OSTN: variants seen among roughly 807,000 people sequenced by gnomAD.
The protein encoded by OSTN is osteocrin.
Under a neutral mutation model 12.0 loss-of-function variants are expected in OSTN, and 9 were observed. The observed-to-expected ratio is 0.75, with a 90% CI of 0.45 to 1.30. OSTN has a LOEUF of 1.30. OSTN is among the 50% of genes most tolerant of loss of function. The pLI is 0.00. For synonymous variants in OSTN, 59 were observed against 56.9 expected, an observed-to-expected ratio of 1.04 and a Z score of -0.16; for missense variants, 148 against 152.3, an observed-to-expected ratio of 0.97 and a Z score of 0.15.
At chr3:191,255,808 G>A (rs1298119539) in intron 4 of OSTN, among the ~76,000 whole-genome samples, 1 of 151,640 alleles carries the variant, frequency 6.6e-6, no homozygotes, top group Non-Finnish European at 1.5e-5. Context: ...GTTACTTTTA[G>A]CCAATGTAAT....
chr3:191,226,148 A>G (rs1378415973), intron 3 of OSTN, among the ~76,000 whole-genome samples: 1 of 152,184 alleles, frequency 6.6e-6, no homozygotes, highest in Admixed American at 6.5e-5. Context: ...ATAAAATGTT[A>G]GCAAATAGAA....
In OSTN at chr3:191,263,644, G is replaced by T. The variant is rs1715858893; in HGVS notation, c.*791G>T. 6.6e-6 allele frequency: 1 copy of T among 152,100 alleles called. No homozygotes were observed. Among genetic ancestry groups the T allele is most frequent in the African/African-American group, 2.4e-5 (1 of 41,442 alleles). 9.4% of individuals were successfully genotyped at this position (152,100 alleles called of 1,614,324 possible). ...GACCAGCTAAGCACACATCATTTTA[G>T]CTCAGTACACTTCAGCATAGTACAA... is the stretch of plus-strand genomic sequence containing the variant. On this transcript the variant is annotated 3_prime_UTR_variant, in exon 5 of 5. Transcript: ENST00000682035.
At position 191,264,481 on chromosome 3, in the gene OSTN, T is replaced by A. The variant is rs901279702; in HGVS notation, c.*1628T>A. On this transcript the variant is annotated 3_prime_UTR_variant, in exon 5 of 5. Transcript: ENST00000682035. The stretch of plus-strand genomic sequence containing the variant: ...TAATTTAGGAAAAATAGTAAATAAT[T>A]TTTTTTCATTGTAGTAGAGGGCTGT... 2.0e-5 allele frequency: 3 copies of A among 152,244 alleles called. No homozygotes were observed. The highest frequency in any genetic ancestry group is 7.2e-5 in the African/African-American group (3 of 41,574). The allele number at this position is 152,244 out of a possible 1,614,324, so 9.4% of individuals were successfully genotyped here. A position where few individuals can be genotyped will look rare whatever the true frequency, so the allele number is the denominator to read the frequency against.
At chr3:191,260,264 G>C (rs1258851110) in intron 4 of OSTN, among the ~76,000 whole-genome samples, 1 of 151,164 alleles carries the variant, frequency 6.6e-6, no homozygotes, top group African/African-American at 2.4e-5. Flanking sequence ...TCTGGCCACC[G>C]ACAATTAGGG....
At chr3:191,232,283 A>C (rs758039288) in intron 3 of OSTN, among the ~76,000 whole-genome samples, 7 of 147,184 alleles carry the variant, frequency 4.8e-5, no homozygotes, top group Non-Finnish European at 8.9e-5. Flanking sequence ...CAGTGAGCCA[A>C]GATTGTGCCA....
chr3:191,262,410 T>C (rs35772211), intron 4 of OSTN, among the ~76,000 whole-genome samples: 4,079 of 152,310 alleles, frequency 0.027, 257 homozygotes, highest in East Asian at 0.25. Flanking sequence ...AGAAATCTTG[T>C]TTAAATGGCA....
intron 3 of OSTN, among the ~76,000 whole-genome samples, chr3:191,235,262 A>T (rs544632526): frequency 1.3e-5 from 2 of 152,258 alleles, no homozygotes; most frequent in South Asian, 4.1e-4. Context: ...ATATAACAGT[A>T]ATTCAAATAA....
intron 3 of OSTN, among the ~76,000 whole-genome samples, chr3:191,224,394 A>AG (rs1193952778): frequency 1.3e-5 from 2 of 151,662 alleles, no homozygotes; most frequent in Non-Finnish European, 2.9e-5. Flanking sequence ...AAAAAAAAAA[A>AG]GAAACATATT....
At chr3:191,212,489 A>T (rs769272247) in intron 1 of OSTN, 44 bp from the exon 2 acceptor site, 10 of 1,346,790 alleles carry the variant, frequency 7.4e-6, no homozygotes, top group Admixed American at 2.0e-5. Flanking sequence ...TTGTCTTTAC[A>T]TTCCAAACGA....
chr3:191,201,441 G>A (rs989392232), intron 1 of OSTN, among the ~76,000 whole-genome samples: 5 of 151,994 alleles, frequency 3.3e-5, no homozygotes, highest in African/African-American at 1.2e-4. Flanking sequence ...GGGTACCTAA[G>A]GCTATAAATA....
At chr3:191,252,647 T>G (rs1480365914) in intron 4 of OSTN, among the ~76,000 whole-genome samples, 1 of 152,218 alleles carries the variant, frequency 6.6e-6, no homozygotes, top group Non-Finnish European at 1.5e-5. Context: ...TGTTCGACCG[T>G]TTTGTTTCTA....
intron 1 of OSTN, among the ~76,000 whole-genome samples, chr3:191,205,771 G>A (rs1450282345): frequency 1.3e-5 from 2 of 152,034 alleles, no homozygotes; most frequent in African/African-American, 4.8e-5. Flanking sequence ...TTAAAAGAGA[G>A]GATATAACTG....
chr3:191,226,821 G>T (rs769393010), intron 3 of OSTN, among the ~76,000 whole-genome samples: 1 of 152,082 alleles, frequency 6.6e-6, no homozygotes, highest in Non-Finnish European at 1.5e-5. Context: ...TGAGTAAAAA[G>T]ATTCAATTAA....
At chr3:191,227,393 C>A (rs1160421397) in intron 3 of OSTN, among the ~76,000 whole-genome samples, 1 of 152,064 alleles carries the variant, frequency 6.6e-6, no homozygotes, top group Non-Finnish European at 1.5e-5. Flanking sequence ...GATTGGAGTG[C>A]AAAATGGAAC....
chr3:191,232,235 G>A (rs1215408443), intron 3 of OSTN, among the ~76,000 whole-genome samples: 1 of 149,778 alleles, frequency 6.7e-6, no homozygotes, highest in East Asian at 2.0e-4. Context: ...GGAGGCTGAG[G>A]CATGAGAATC....
At chr3:191,210,399 C>CA (rs895306772) in intron 1 of OSTN, among the ~76,000 whole-genome samples, 10 of 151,648 alleles carry the variant, frequency 6.6e-5, no homozygotes, top group Non-Finnish European at 1.5e-4. Context: ...AAGAAAATGT[C>CA]AAAAAAAATC....
At chr3:191,210,130 T>C (rs1308171331) in intron 1 of OSTN, among the ~76,000 whole-genome samples, 2 of 152,210 alleles carry the variant, frequency 1.3e-5, no homozygotes, top group Non-Finnish European at 2.9e-5. Flanking sequence ...CAGGCACGTC[T>C]TCACATGGCC....
In OSTN at chr3:191,262,695, ATTG is replaced by A. The variant is rs1182960021; in HGVS notation, c.*13-168_*13-166del. On this transcript the variant is annotated intron_variant, in intron 4 of 4. Coordinates refer to ENST00000682035, the MANE Select transcript of OSTN (RefSeq NM_198184.2). ...TCTTTTTAATGTATTTTGAACTGAA[ATTG>A]TTATTTTGCATTATTGTCTTCAAAA... Among the ~76,000 whole-genome samples, 12 of 152,350 alleles carry A rather than the reference ATTG, an allele frequency of 7.9e-5. No individual in the cohort carries two copies. The South Asian group carries it at 8.3e-4, about 11-fold the overall frequency.
At chr3:191,254,246 C>T (rs1409717135) in intron 4 of OSTN, among the ~76,000 whole-genome samples, 1 of 152,228 alleles carries the variant, frequency 6.6e-6, no homozygotes, top group African/African-American at 2.4e-5. Context: ...CTGTCTAGAG[C>T]AGTCTATAGA....
Sources: gnomAD v4.1 joint callset for allele counts (sites outside exome capture counted in the v4.1 genomes callset) on GRCh38, gnomAD v4.1.1 for gene constraint, MANE v1.5 for transcripts, NCBI Gene and HGNC (gene_info 2026-07-23, HGNC 2026-07-21) for gene names.